The following GRM3 variants were observed in gnomAD, a reference collection of about 807,000 sequenced individuals.
The protein encoded by GRM3 is glutamate metabotropic receptor 3, also known as metabotropic glutamate receptor 3.
Under a neutral mutation model 70.5 loss-of-function variants are expected in GRM3, and 26 were observed. The ratio of observed to expected loss-of-function variants is 0.37; its 90% CI spans 0.27 to 0.51. The LOEUF (loss-of-function observed/expected upper bound fraction) is 0.51, where lower values mean the gene tolerates loss of function less well. GRM3 is among the 20% of genes least tolerant of loss of function. GRM3 has a pLI of 0.93. For missense variants in GRM3, 859 were observed against 1,123.8 expected (o/e 0.76, Z 3.37); for synonymous variants, 443 against 434.9 (o/e 1.02, Z -0.23).
At chr7:86,755,646 C>T (rs981271774) in intron 1 of GRM3, among the ~76,000 whole-genome samples, 1 of 152,068 alleles carries the variant, frequency 6.6e-6, no homozygotes, top group Non-Finnish European at 1.5e-5. Flanking sequence ...GGGTTTAAGC[C>T]TTGACTAAAT....
At chr7:86,656,260 CTTTTT>C (rs1165969016) in intron 1 of GRM3, among the ~76,000 whole-genome samples, 1 of 83,276 alleles carries the variant, frequency 1.2e-5, no homozygotes, top group Non-Finnish European at 2.1e-5. Flanking sequence ...ATACTATGTT[CTTTTT>C]TTTTTTTTTT....
intron 3 of GRM3, among the ~76,000 whole-genome samples, chr7:86,834,471 T>C (rs1461747065): frequency 2.6e-5 from 4 of 152,172 alleles, no homozygotes; most frequent in Non-Finnish European, 5.9e-5. Flanking sequence ...CCCTGAATAT[T>C]CATTTTAAGG....
At chr7:86,822,997 A>G (rs972342900) in intron 3 of GRM3, among the ~76,000 whole-genome samples, 1 of 152,188 alleles carries the variant, frequency 6.6e-6, no homozygotes, top group Non-Finnish European at 1.5e-5. Context: ...TAAATGCAAC[A>G]GGAGAGCCAC....
intron 1 of GRM3, among the ~76,000 whole-genome samples, chr7:86,650,894 A>G (rs1435126165): frequency 6.6e-6 from 1 of 152,184 alleles, no homozygotes; most frequent in African/African-American, 2.4e-5. Context: ...GTATAGTAAA[A>G]TTTTCAAATT....
intron 1 of GRM3, among the ~76,000 whole-genome samples, chr7:86,699,459 A>G (rs1183878075): frequency 6.6e-6 from 1 of 152,002 alleles, no homozygotes; most frequent in South Asian, 2.1e-4. Context: ...TGTATTTCCC[A>G]TTGATGGACA....
chr7:86,748,603 A>G lies in GRM3; in HGVS notation c.-140-16403A>G, dbSNP rs571244619. 3.3e-5 allele frequency among the ~76,000 whole-genome samples: 5 copies of G among 152,182 alleles called. No homozygotes were observed. The South Asian group carries it at 1.0e-3, about 32-fold the overall frequency. The stretch of plus-strand genomic sequence containing the variant: ...AAGATCAAGGGTCAGCCTGGATGAT[A>G]CCGGAGGCTTTCTTACTAAAACATT... On this transcript the variant is annotated intron_variant, in intron 1 of 5. Transcript: ENST00000361669.
Position 86,786,677 on chromosome 7 carries a change from C to T in GRM3, c.885C>T (p.Phe295=). Residue 295 remains phenylalanine, a synonymous_variant, in exon 3 of 6, where the codon TTC becomes TTT. Coordinates refer to ENST00000361669, the MANE Select transcript of GRM3 (RefSeq NM_000840.3). This position sits in a 1 kb window ranked among gnomAD's most constrained non-coding sequence, Gnocchi z 6.0. ...CCGCCAGCCGCGCCAATGCCTCCTT[C>T]ACCTGGGTGGCCAGCGACGGCTGGG... The part of the protein sequence containing the change: ...IAAASRANAS[F]TWVASDGWGA... 6.2e-7 allele frequency: 1 copy of T among 1,612,166 alleles called. No individual in the cohort carries two copies. Among genetic ancestry groups the T allele is most frequent in the Non-Finnish European group, 8.5e-7 (1 of 1,179,922 alleles).
At position 86,864,421 on chromosome 7, in the gene GRM3, A is replaced by C. The variant is rs773890505; in HGVS notation, c.*66A>C. ...GACAAAAGTGCTCACGTGCAGCTCC[A>C]GAATATGGAAACAGAGCAAAAGAAC... On this transcript the variant is annotated 3_prime_UTR_variant, in exon 6 of 6. Transcript: ENST00000361669. The C allele has an allele frequency of 2.8e-6, 3 of 1,080,950 alleles. No individual in the cohort carries two copies. Among genetic ancestry groups the C allele is most frequent in the East Asian group, 2.4e-5 (1 of 42,436 alleles). The allele number at this position is 1,080,950 out of a possible 1,614,324, so 67.0% of individuals were successfully genotyped here.
At chr7:86,860,630 G>A (rs1798936780) in intron 5 of GRM3, among the ~76,000 whole-genome samples, 1 of 152,114 alleles carries the variant, frequency 6.6e-6, no homozygotes. Context: ...TTAGACATAG[G>A]TTGCTCCTTT....
intron 4 of GRM3, among the ~76,000 whole-genome samples, chr7:86,845,404 T>C (rs1305507423): frequency 6.6e-6 from 1 of 152,194 alleles, no homozygotes. Context: ...ATTATTGTCT[T>C]GATTAATGCA....
chr7:86,699,000 A>C (rs915007454), intron 1 of GRM3, among the ~76,000 whole-genome samples: 1 of 152,082 alleles, frequency 6.6e-6, no homozygotes, highest in Non-Finnish European at 1.5e-5. Flanking sequence ...AGGGGTGACT[A>C]ATGAATTTCC....
Position 86,650,328 on chromosome 7 carries a change from CCAATA to C in GRM3, c.-141+5457_-141+5461del, listed in dbSNP as rs112137456. On this transcript the variant is annotated intron_variant, in intron 1 of 5. Coordinates refer to ENST00000361669, the MANE Select transcript of GRM3 (RefSeq NM_000840.3). ...ATTCTAAGACCTATTTTCTTTACTA[CCAATA>C]TTGCCTCACAATTTTTTAATTTATT... Among the ~76,000 whole-genome samples the C allele has an allele frequency of 6.8e-3, 1,041 of 152,082 alleles. 16 individuals carry two copies. Among genetic ancestry groups the C allele is most frequent in the African/African-American group, 0.024 (976 of 41,520 alleles).
At chr7:86,746,487 GA>G (rs144386595) in intron 1 of GRM3, among the ~76,000 whole-genome samples, 25 of 144,906 alleles carry the variant, frequency 1.7e-4, no homozygotes, top group East Asian at 4.0e-4. Flanking sequence ...AACTTAGAAT[GA>G]AAAAAAAAAT....
chr7:86,776,265 G>A (rs1376071793), intron 2 of GRM3, among the ~76,000 whole-genome samples: 1 of 152,122 alleles, frequency 6.6e-6, no homozygotes, highest in Non-Finnish European at 1.5e-5. Flanking sequence ...AGAAATTGCA[G>A]CTTAAGGAGT....
chr7:86,702,642 C>G (rs763283805), intron 1 of GRM3, among the ~76,000 whole-genome samples: 1 of 152,054 alleles, frequency 6.6e-6, no homozygotes, highest in South Asian at 2.1e-4. Flanking sequence ...CAAAATTTTA[C>G]CTTCTTTACA....
intron 1 of GRM3, among the ~76,000 whole-genome samples, chr7:86,687,222 A>G (rs1041434233): frequency 4.6e-5 from 7 of 152,020 alleles, no homozygotes; most frequent in African/African-American, 1.7e-4. Context: ...TTCAAAATTG[A>G]TGAAAAATGT....
At chr7:86,662,795 G>A (rs1291382922) in intron 1 of GRM3, among the ~76,000 whole-genome samples, 2 of 151,814 alleles carry the variant, frequency 1.3e-5, no homozygotes, top group Non-Finnish European at 2.9e-5. Flanking sequence ...GAACTTTTGT[G>A]TATCCATGTC....
At chr7:86,725,031 T>C (rs771641571) in intron 1 of GRM3, among the ~76,000 whole-genome samples, 7 of 152,116 alleles carry the variant, frequency 4.6e-5, no homozygotes, top group Non-Finnish European at 8.8e-5. Flanking sequence ...ATAATTCTTA[T>C]CATTAGCCTG....
intron 4 of GRM3, among the ~76,000 whole-genome samples, chr7:86,841,120 T>C (rs1798551500): frequency 6.6e-6 from 1 of 152,172 alleles, no homozygotes; most frequent in African/African-American, 2.4e-5. Context: ...AACATCATGT[T>C]GTACATAAAT....
Sources: allele counts gnomAD v4.1 joint callset (sites outside exome capture counted in the v4.1 genomes callset), GRCh38; gene constraint gnomAD v4.1.1; non-coding constraint Gnocchi (gnomAD v3.1); transcripts MANE v1.5; gene names NCBI Gene and HGNC (gene_info 2026-07-23, HGNC 2026-07-21).